Variants in ADCY2 observed in about 807,000 individuals in gnomAD.
The protein encoded by ADCY2 is adenylate cyclase 2.
A neutral mutation model predicts 125.2 loss-of-function variants in ADCY2; 31 were observed. The ratio of observed to expected loss-of-function variants is 0.25; its 90% confidence interval spans 0.19 to 0.33. ADCY2 has a LOEUF of 0.33. ADCY2 is among the 10% of genes least tolerant of loss of function. ADCY2 has a pLI of 1.00. For missense variants in ADCY2, 904 were observed against 1,418.2 expected (o/e 0.64, Z 5.82); for synonymous variants, 512 against 548.4 (o/e 0.93, Z 0.93).
intron 2 of ADCY2, among the ~76,000 whole-genome samples, chr5:7,470,940 G>A (rs1742312767): frequency 6.6e-6 from 1 of 151,740 alleles, no homozygotes; most frequent in Non-Finnish European, 1.5e-5. Context: ...GAATTTTGAA[G>A]CTGTGTTGCT....
At chr5:7,466,373 C>T (rs1325588104) in intron 2 of ADCY2, among the ~76,000 whole-genome samples, 2 of 152,094 alleles carry the variant, frequency 1.3e-5, no homozygotes, top group Non-Finnish European at 2.9e-5. Context: ...CCCAACCCAC[C>T]CTAGATCCCT....
chr5:7,750,391 C>G (rs900727930), intron 15 of ADCY2, among the ~76,000 whole-genome samples: 4 of 152,124 alleles, frequency 2.6e-5, no homozygotes, highest in African/African-American at 9.7e-5. Context: ...GGTAATTTTT[C>G]TCATCTTCCA....
At chr5:7,692,443 A>G (rs966194128) in intron 5 of ADCY2, among the ~76,000 whole-genome samples, 1 of 152,230 alleles carries the variant, frequency 6.6e-6, no homozygotes, top group African/African-American at 2.4e-5. Flanking sequence ...GATACATGAT[A>G]GTAAAAACTA....
At chr5:7,650,217 GACACACACAC>G (rs3073883) in intron 4 of ADCY2, among the ~76,000 whole-genome samples, 10 of 147,880 alleles carry the variant, frequency 6.8e-5, no homozygotes, top group Non-Finnish European at 1.0e-4. Flanking sequence ...TGCAGGCACA[GACACACACAC>G]ACACACACAC....
At chr5:7,705,142 A>T (rs1741226868) in intron 7 of ADCY2, among the ~76,000 whole-genome samples, 1 of 152,206 alleles carries the variant, frequency 6.6e-6, no homozygotes, top group Non-Finnish European at 1.5e-5. Flanking sequence ...AAGAACAATT[A>T]TGGGTTCTCT....
chr5:7,461,637 C>T (rs1051842291), intron 2 of ADCY2, among the ~76,000 whole-genome samples: 2 of 152,292 alleles, frequency 1.3e-5, no homozygotes, highest in Admixed American at 6.5e-5. Flanking sequence ...TTCATTGAGC[C>T]ACTCTTTTGT....
At chr5:7,417,834 A>G (rs1308716376) in intron 2 of ADCY2, among the ~76,000 whole-genome samples, 1 of 152,234 alleles carries the variant, frequency 6.6e-6, no homozygotes, top group East Asian at 1.9e-4. Context: ...GGGCAGGGAC[A>G]TGACTGTCTC....
Position 7,659,712 on chromosome 5 carries a change from T to C in ADCY2, c.721-30979T>C, listed in dbSNP as rs549804059. On this transcript the variant is annotated intron_variant, in intron 4 of 24. Transcript: ENST00000338316. ...CAACTTACAAGAAACAGTTTCATTA[T>C]TCTTGTGCAATTTACATGAAAGTAG... Among the ~76,000 whole-genome samples, 14 of 152,364 alleles carry C rather than the reference T, an allele frequency of 9.2e-5. No homozygotes were observed. In the South Asian group the frequency reaches 2.9e-3, roughly 32 times the overall value.
At chr5:7,804,494 T>C in intron 21 of ADCY2, 91 bp from the exon 22 acceptor site, 1 of 1,006,932 alleles carries the variant, frequency 9.9e-7, no homozygotes. Flanking sequence ...ACGGCATTAC[T>C]GTGAACCAGC....
chr5:7,450,014 A>C (rs1442466648), intron 2 of ADCY2, among the ~76,000 whole-genome samples: 1 of 152,042 alleles, frequency 6.6e-6, no homozygotes, highest in Non-Finnish European at 1.5e-5. Context: ...GCTGTTCTCC[A>C]TCTCCCTCCC....
chr5:7,601,871 T>C (rs1737221261), intron 3 of ADCY2, among the ~76,000 whole-genome samples: 1 of 152,202 alleles, frequency 6.6e-6, no homozygotes, highest in African/African-American at 2.4e-5. Context: ...ACTTGGTGAC[T>C]TACAACGTGA....
At chr5:7,525,160 G>A (rs1734410536) in intron 3 of ADCY2, among the ~76,000 whole-genome samples, 1 of 152,032 alleles carries the variant, frequency 6.6e-6, no homozygotes, top group South Asian at 2.1e-4. Flanking sequence ...ACGCTGCCAT[G>A]CCTGGCTAAT....
At chr5:7,438,242 T>C (rs375358277) in intron 2 of ADCY2, among the ~76,000 whole-genome samples, 5 of 152,280 alleles carry the variant, frequency 3.3e-5, no homozygotes, top group African/African-American at 1.2e-4. Flanking sequence ...GGCATTGTGC[T>C]TACCCACCGT....
At chr5:7,581,866 G>GA (rs1736449818) in intron 3 of ADCY2, among the ~76,000 whole-genome samples, 1 of 151,190 alleles carries the variant, frequency 6.6e-6, no homozygotes, top group Non-Finnish European at 1.5e-5. Flanking sequence ...AAGAAAAAGA[G>GA]GAATGTAAAA....
At chr5:7,613,896 C>A (rs1005274874) in intron 3 of ADCY2, among the ~76,000 whole-genome samples, 1 of 152,178 alleles carries the variant, frequency 6.6e-6, no homozygotes. Flanking sequence ...AAGACAAAAA[C>A]CAGTCATATT....
At chr5:7,574,864 G>C (rs1311055467) in intron 3 of ADCY2, among the ~76,000 whole-genome samples, 1 of 152,138 alleles carries the variant, frequency 6.6e-6, no homozygotes, top group Non-Finnish European at 1.5e-5. Flanking sequence ...AGATTAGAAA[G>C]AATTAGGTGT....
rs1219385656 is a variant in ADCY2 at position 7,400,941 on chromosome 5, A to G, written c.210+4435A>G. ...TTGGAAGCATCCTTTGGATATTGAA[A>G]TGTATGATTAAATATATACATGGCA... On this transcript the variant is annotated intron_variant, in intron 1 of 24. Coordinates refer to ENST00000338316, the MANE Select transcript of ADCY2 (RefSeq NM_020546.3). Among the ~76,000 whole-genome samples the G allele has an allele frequency of 3.3e-5, 5 of 152,342 alleles. No individual in the cohort carries two copies. The East Asian group carries it at 9.6e-4, about 29-fold the overall frequency.
intron 14 of ADCY2, among the ~76,000 whole-genome samples, 170 bp from the exon 15 acceptor site, chr5:7,743,498 C>T (rs754697496): frequency 6.6e-6 from 1 of 152,182 alleles, no homozygotes; most frequent in Admixed American, 6.5e-5. Flanking sequence ...GGACCCTTTT[C>T]TATGGACATG....
In ADCY2 at chr5:7,777,832, A is replaced by G. The variant is rs114325603; in HGVS notation, c.2384+4731A>G. ...AAGACATTCTTACACATTCAAGAGT[A>G]TGAAAAGTAGACTTTTCAGGAGGAA... is the stretch of plus-strand genomic sequence containing the variant. On this transcript the variant is annotated intron_variant, in intron 18 of 24. Coordinates refer to ENST00000338316, the MANE Select transcript of ADCY2 (RefSeq NM_020546.3). Among the ~76,000 whole-genome samples, 550 of 152,376 alleles carry G rather than the reference A, an allele frequency of 3.6e-3. 3 individuals carry two copies. Among genetic ancestry groups the G allele is most frequent in the South Asian group, 6.2e-3 (30 of 4,826 alleles).
Sources: allele counts gnomAD v4.1 joint callset (sites outside exome capture counted in the v4.1 genomes callset), GRCh38; gene constraint gnomAD v4.1.1; transcripts MANE v1.5; gene names NCBI Gene and HGNC (gene_info 2026-07-23, HGNC 2026-07-21).